Variants in KIF5C observed in about 807,000 individuals in gnomAD.
The protein encoded by KIF5C is kinesin family member 5C.
A neutral mutation model predicts 125.2 loss-of-function variants in KIF5C; 18 were observed. That is an observed-to-expected ratio of 0.14 (90% CI 0.10 to 0.21). KIF5C has a LOEUF of 0.21. KIF5C is among the 10% of genes least tolerant of loss of function. KIF5C has a pLI of 1.00. For missense variants in KIF5C, 780 were observed against 1,183.8 expected (o/e 0.66, Z 5.01); for synonymous variants, 405 against 434.0 (o/e 0.93, Z 0.83).
intron 3 of KIF5C, 129 bp from the exon 4 acceptor site, chr2:148,937,155 C>G: frequency 7.5e-7 from 1 of 1,341,708 alleles, no homozygotes; most frequent in Non-Finnish European, 9.9e-7. Flanking sequence ...CCCAAGGGAG[C>G]TGGCAGGCAC....
At chr2:148,978,352 T>G (rs1043927601) in intron 12 of KIF5C, among the ~76,000 whole-genome samples, 142 of 148,768 alleles carry the variant, frequency 9.5e-4, no homozygotes, top group Non-Finnish European at 1.4e-3. Context: ...TTTTTTTTTT[T>G]TTTTTTTTTT....
At chr2:148,927,823 G>C (rs1470347781) in intron 2 of KIF5C, among the ~76,000 whole-genome samples, 7 of 151,974 alleles carry the variant, frequency 4.6e-5, no homozygotes, top group East Asian at 1.9e-4. Flanking sequence ...GCTTCCCACT[G>C]TTAGCAGGGG....
At chr2:148,911,675 TGAAA>T (rs745448944) in intron 1 of KIF5C, among the ~76,000 whole-genome samples, 3 of 152,118 alleles carry the variant, frequency 2.0e-5, no homozygotes, top group Admixed American at 6.5e-5. Flanking sequence ...TGCTTTACAT[TGAAA>T]GAAAGGAGCC....
chr2:148,936,132 T>A (rs1438776487), intron 3 of KIF5C, among the ~76,000 whole-genome samples: 2 of 151,952 alleles, frequency 1.3e-5, no homozygotes, highest in Non-Finnish European at 2.9e-5. Flanking sequence ...CTACAAAAAA[T>A]ACAAAAAATT....
rs756880789 is a variant in KIF5C at position 148,942,699 on chromosome 2, C to T, written c.528C>T (p.Ser176=). ...GGTGCACTGAGCGGTTTGTGTCGAG[C>T]CCTGAGGAAGTCATGGATGTAATAG... ...VKGCTERFVS[S]PEEVMDVIDE... The change falls in exon 7 of 26, where the codon AGC becomes AGT. Residue 176 remains serine, a synonymous_variant. Coordinates refer to ENST00000435030, the MANE Select transcript of KIF5C (RefSeq NM_004522.3). The T allele has an allele frequency of 1.2e-6, 2 of 1,611,310 alleles. No individual in the cohort carries two copies. Among genetic ancestry groups the T allele is most frequent in the South Asian group, 1.1e-5 (1 of 89,944 alleles).
intron 15 of KIF5C, among the ~76,000 whole-genome samples, chr2:148,989,369 C>CACACAA (rs1558935197): frequency 6.7e-6 from 1 of 149,340 alleles, no homozygotes; most frequent in Non-Finnish European, 1.5e-5. Context: ...CACACACACA[C>CACACAA]CACATTTTCT....
At chr2:148,942,574 C>A in intron 6 of KIF5C, 99 bp from the exon 7 acceptor site, 1 of 1,520,074 alleles carries the variant, frequency 6.6e-7, no homozygotes, top group Non-Finnish European at 8.9e-7. Flanking sequence ...TTCTATTTAT[C>A]TGCACCTCTA....
At chr2:148,982,995 G>A (rs541223371) in intron 14 of KIF5C, among the ~76,000 whole-genome samples, 20 of 152,316 alleles carry the variant, frequency 1.3e-4, no homozygotes, top group African/African-American at 4.3e-4. Flanking sequence ...ATTAAAGTTT[G>A]ACAAGAAAAT....
At chr2:149,010,534 GC>G (rs1406105034) in intron 24 of KIF5C, among the ~76,000 whole-genome samples, 183 bp downstream of exon 24, 1 of 152,222 alleles carries the variant, frequency 6.6e-6, no homozygotes, top group African/African-American at 2.4e-5. Flanking sequence ...AATGTCAGGC[GC>G]CCCCGTTATC....
At chr2:148,981,301 A>G in intron 13 of KIF5C, 54 bp from the exon 14 acceptor site, 4 of 1,528,336 alleles carry the variant, frequency 2.6e-6, no homozygotes, top group South Asian at 2.6e-5. Flanking sequence ...ACAGCATAGA[A>G]CATAAACATT....
chr2:149,021,384 A>G (rs1486524244), intron 25 of KIF5C, among the ~76,000 whole-genome samples: 2 of 151,956 alleles, frequency 1.3e-5, no homozygotes, highest in Non-Finnish European at 2.9e-5. Flanking sequence ...TGGTATTTTT[A>G]AAAAGAATGT....
intron 1 of KIF5C, among the ~76,000 whole-genome samples, chr2:148,908,387 C>T (rs2105063993): frequency 6.6e-6 from 1 of 152,300 alleles, no homozygotes. Flanking sequence ...CCTGAATATG[C>T]TTTAATTAAT....
chr2:148,938,153 G>A (rs1682331571), intron 4 of KIF5C, among the ~76,000 whole-genome samples: 1 of 151,460 alleles, frequency 6.6e-6, no homozygotes, highest in South Asian at 2.1e-4. Context: ...GTGGCTGAAA[G>A]GCACTTGTTT....
intron 1 of KIF5C, among the ~76,000 whole-genome samples, chr2:148,908,670 T>C (rs6705805): frequency 1 from 151,671 of 152,322 alleles, 75,513 homozygotes; most frequent in Middle Eastern, 1. Flanking sequence ...TGCTCCCCAT[T>C]GTACCTGCTT....
intron 3 of KIF5C, among the ~76,000 whole-genome samples, chr2:148,931,145 G>A (rs1682175591): frequency 6.6e-6 from 1 of 151,956 alleles, no homozygotes; most frequent in South Asian, 2.1e-4. Flanking sequence ...TATATATAAT[G>A]CCAAACAACA....
At chr2:148,912,357 A>G (rs1039565265) in intron 1 of KIF5C, among the ~76,000 whole-genome samples, 2 of 152,270 alleles carry the variant, frequency 1.3e-5, no homozygotes, top group Non-Finnish European at 1.5e-5. Context: ...TTGTGTGTCA[A>G]CTACACTCAA....
chr2:148,927,845 G>A (rs531958358), intron 2 of KIF5C, among the ~76,000 whole-genome samples: 23 of 151,932 alleles, frequency 1.5e-4, no homozygotes, highest in African/African-American at 5.1e-4. Flanking sequence ...GCCATTAGCC[G>A]AAATCTGATA....
chr2:148,884,588 C>T (rs998446910), intron 1 of KIF5C, among the ~76,000 whole-genome samples: 1 of 152,214 alleles, frequency 6.6e-6, no homozygotes, highest in Non-Finnish European at 1.5e-5. Context: ...TCTCCAACCT[C>T]ACTAGATTGC....
intron 25 of KIF5C, among the ~76,000 whole-genome samples, chr2:149,018,285 C>T (rs748490131): frequency 4.6e-5 from 7 of 151,954 alleles, no homozygotes; most frequent in African/African-American, 7.3e-5. Flanking sequence ...TGAGATTCTA[C>T]CTCAAAAATA....
Sources: allele counts gnomAD v4.1 joint callset (sites outside exome capture counted in the v4.1 genomes callset), GRCh38; gene constraint gnomAD v4.1.1; transcripts MANE v1.5; gene names NCBI Gene and HGNC (gene_info 2026-07-23, HGNC 2026-07-21).